The following TBX5 variants were observed in gnomAD, a reference collection of about 807,000 sequenced individuals.
TBX5 encodes the protein T-box transcription factor 5, also known as T-box transcription factor TBX5.
A neutral mutation model predicts 51.1 loss-of-function variants in TBX5; 8 were observed. That is an observed-to-expected ratio of 0.16 (90% CI 0.09 to 0.28). The LOEUF (loss-of-function observed/expected upper bound fraction) is 0.28, where lower values mean the gene tolerates loss of function less well. Among genes scored for constraint, TBX5 ranks in the 10% least tolerant of loss-of-function variants. The pLI, the probability that TBX5 is intolerant of heterozygous loss-of-function variation, is 1.00. For missense variants in TBX5, 589 were observed against 671.7 expected, an observed-to-expected ratio of 0.88 and a Z score of 1.36; for synonymous variants, 302 against 266.4, an observed-to-expected ratio of 1.13 and a Z score of -1.30.
chr12:114,377,859 A>G (rs1870281292), intron 7 of TBX5, among the ~76,000 whole-genome samples: 1 of 152,154 alleles, frequency 6.6e-6, no homozygotes, highest in African/African-American at 2.4e-5. Context: ...AAGCACCCAC[A>G]GAGGCGGGTG....
At chr12:114,407,922 T>A (rs1872328713), upstream of TBX5, 8 of 985,358 alleles carry the variant, frequency 8.1e-6, no homozygotes, top group African/African-American at 3.5e-5. Flanking sequence ...GAGACCTCTT[T>A]AGGCCAGGTC....
At chr12:114,366,730 T>C (rs1433906584) in intron 7 of TBX5, among the ~76,000 whole-genome samples, 1 of 152,228 alleles carries the variant, frequency 6.6e-6, no homozygotes, top group Non-Finnish European at 1.5e-5. Context: ...AGTCTATGTA[T>C]GTCTTTAAAT....
At chr12:114,403,048 C>A (rs1871927574) in intron 2 of TBX5, among the ~76,000 whole-genome samples, 1 of 152,266 alleles carries the variant, frequency 6.6e-6, no homozygotes, top group Non-Finnish European at 1.5e-5. Context: ...TACTGAGGGG[C>A]CGACTTGAGC....
chr12:114,359,259 A>G (rs1407652196), intron 8 of TBX5, among the ~76,000 whole-genome samples: 2 of 152,222 alleles, frequency 1.3e-5, no homozygotes, highest in South Asian at 2.1e-4. Flanking sequence ...CTCAGGCCTC[A>G]TCACATTGTA....
chr12:114,356,056 T>A lies in TBX5; in HGVS notation c.1033A>T (p.Thr345Ser). The A allele has an allele frequency of 6.2e-7, 1 of 1,613,912 alleles. No individual in the cohort carries two copies. Among genetic ancestry groups the A allele is most frequent in the South Asian group, 1.1e-5 (1 of 91,074 alleles). ...AAGGAATCTTCTTCACTGGGTGATG[T>A]CTCCATGTAGGGCTTCTTATAGGGA... ...DHPYKKPYME[T>S]SPSEEDSFYR... Residue 345 changes from threonine to serine, a missense_variant, in exon 9 of 9, where the codon ACA (threonine) becomes TCA (serine). Thr to Ser is a moderately conservative substitution (Grantham distance 58, BLOSUM62 1). Coordinates refer to ENST00000405440, the MANE Select transcript of TBX5 (RefSeq NM_181486.4).
At position 114,370,303 on chromosome 12, in the gene TBX5, A is replaced by AAAAC. The variant is rs1413613974; in HGVS notation, c.756-3913_756-3912insGTTT. Reference sequence around the variant, plus strand: ...GAAAAGAAAAGAAAGAAAAGAAAAGAAAAGAAAAGAAAGAAAAGAAAAGAA... The same window carrying AAAAC: ...GAAAAGAAAAGAAAGAAAAGAAAAGAAAACAAAGAAAAGAAAGAAAAGAAAAGAA... On this transcript the variant is annotated intron_variant, in intron 7 of 8. Coordinates refer to ENST00000405440, the MANE Select transcript of TBX5 (RefSeq NM_181486.4). Among the ~76,000 whole-genome samples the AAAAC allele has an allele frequency of 4.5e-3, 645 of 142,398 alleles. 16 individuals are homozygous for AAAAC. The highest frequency in any genetic ancestry group is 5.3e-3 in the Non-Finnish European group (334 of 62,436). The allele number at this position is 142,398 out of a possible 152,430, so 93.4% of individuals were successfully genotyped here.
At chr12:114,407,095 C>T (rs1167777208), upstream of TBX5, 2 of 985,166 alleles carry the variant, frequency 2.0e-6, no homozygotes, top group African/African-American at 3.5e-5. Context: ...GGAGAAATGC[C>T]CCGAGGTCAG....
Position 114,366,219 on chromosome 12 carries a change from G to C in TBX5, c.928C>G (p.Pro310Ala). 6.2e-7 allele frequency: 1 copy of C among 1,614,074 alleles called. No homozygotes were observed. Among genetic ancestry groups the C allele is most frequent in the Non-Finnish European group, 8.5e-7 (1 of 1,180,014 alleles). The change falls in exon 8 of 9, where the codon CCA becomes GCA. Residue 310 changes from proline to alanine, a missense_variant. Physicochemically the swap from Pro to Ala is conservative, Grantham distance 27. Around this residue, in one of 7 missense-constraint regions of TBX5, gnomAD observed 348 missense variants for 360.4 expected, o/e 0.97. Transcript: ENST00000405440. ...CTATGCTCCTGGGGCAGTGGGTATG[G>C]GTTGGGTGGAGGCAGGAGGTCCTGG... ...PSQDLLPPPN[P>A]YPLPQEHSQI...
chr12:114,401,167 T>G (rs1007559743), intron 3 of TBX5, among the ~76,000 whole-genome samples: 7 of 152,176 alleles, frequency 4.6e-5, no homozygotes, highest in African/African-American at 1.7e-4. Context: ...CATTTCTAGC[T>G]AAAACTCTGC....
upstream of TBX5, among the ~76,000 whole-genome samples, chr12:114,406,357 G>A (rs924999125): frequency 6.6e-6 from 1 of 151,786 alleles, no homozygotes; most frequent in African/African-American, 2.4e-5. Flanking sequence ...CTCTGAGCAA[G>A]CGGTGGCTGC....
At chr12:114,358,780 TG>T (rs1301012338) in intron 8 of TBX5, among the ~76,000 whole-genome samples, 6 of 78,184 alleles carry the variant, frequency 7.7e-5, no homozygotes, top group East Asian at 5.1e-4. Context: ...GGGTTTTTTT[TG>T]TTTGTTTGTT....
chr12:114,363,338 C>T (rs1391319545), intron 8 of TBX5, among the ~76,000 whole-genome samples: 1 of 152,206 alleles, frequency 6.6e-6, no homozygotes, highest in African/African-American at 2.4e-5. Context: ...ATCCAACAAA[C>T]AGTCCATGAA....
chr12:114,358,178 C>A (rs950665231), intron 8 of TBX5, among the ~76,000 whole-genome samples: 2 of 152,188 alleles, frequency 1.3e-5, no homozygotes, highest in Non-Finnish European at 2.9e-5. Flanking sequence ...ATACCCAGTG[C>A]CACTCATGCA....
At chr12:114,369,333 T>C (rs571091989) in intron 7 of TBX5, among the ~76,000 whole-genome samples, 1 of 152,346 alleles carries the variant, frequency 6.6e-6, no homozygotes, top group South Asian at 2.1e-4. Flanking sequence ...TTTTGATTAC[T>C]AACACAGAAG....
chr12:114,399,756 G>A, intron 3 of TBX5, 124 bp from the exon 4 acceptor site: 1 of 1,468,452 alleles, frequency 6.8e-7, no homozygotes, highest in South Asian at 1.2e-5. Context: ...AACTAGCCCC[G>A]TTCCGCTCTC....
intron 6 of TBX5, among the ~76,000 whole-genome samples, chr12:114,390,788 T>G (rs573357529): frequency 6.6e-6 from 1 of 152,374 alleles, no homozygotes; most frequent in Admixed American, 6.5e-5. Context: ...GTGACCTTTT[T>G]TTAACACCTA....
intron 2 of TBX5, among the ~76,000 whole-genome samples, chr12:114,402,536 A>G (rs1871896026): frequency 6.6e-6 from 1 of 152,230 alleles, no homozygotes; most frequent in South Asian, 2.1e-4. Context: ...ATATATTCTT[A>G]CAGTCCAGAA....
At chr12:114,405,123 G>A (rs1422214364) in intron 1 of TBX5, among the ~76,000 whole-genome samples, 2 of 152,228 alleles carry the variant, frequency 1.3e-5, no homozygotes, top group Non-Finnish European at 2.9e-5. Context: ...TAAGCAAGCG[G>A]CCAGATCCCA....
rs76799455 is a variant in TBX5, at chr12:114,355,008, T to A, written c.*524A>T. 222 of 162,406 alleles carry A rather than the reference T, an allele frequency of 1.4e-3. No homozygotes were observed. Among genetic ancestry groups the A allele is most frequent in the Non-Finnish European group, 2.6e-3 (193 of 73,628 alleles). The allele number at this position is 162,406 out of a possible 1,614,324, so 10.1% of individuals were successfully genotyped here. On this transcript the variant is annotated 3_prime_UTR_variant, in exon 9 of 9. Coordinates refer to ENST00000405440, the MANE Select transcript of TBX5 (RefSeq NM_181486.4). ...TCAGGGATGGTTTACTTGAAGGGAA[T>A]CCCGCAAGTACATATTTTGAAATAT...
Sources: allele counts gnomAD v4.1 joint callset (sites outside exome capture counted in the v4.1 genomes callset), GRCh38; gene constraint gnomAD v4.1.1; regional missense constraint gnomAD v4.1.1; transcripts MANE v1.5; gene names NCBI Gene and HGNC (gene_info 2026-07-23, HGNC 2026-07-21).